Variants in EFTUD2 observed in about 807,000 individuals in gnomAD.
EFTUD2 encodes elongation factor Tu GTP binding domain containing 2.
In EFTUD2, 9 loss-of-function variants were observed where a neutral mutation model predicts 114.3. The ratio of observed to expected loss-of-function variants is 0.08; its 90% CI spans 0.05 to 0.14. EFTUD2 has a LOEUF of 0.14. Among genes scored for constraint, EFTUD2 ranks in the 10% least tolerant of loss-of-function variants. The pLI is 1.00. For missense variants in EFTUD2, 765 were observed against 1,241.2 expected (o/e 0.62, Z 5.76); for synonymous variants, 449 against 462.3 (o/e 0.97, Z 0.37).
intron 18 of EFTUD2, 159 bp from the exon 19 acceptor site, chr17:44,859,340 T>C (rs2050614476): frequency 1.6e-6 from 1 of 640,466 alleles, no homozygotes; most frequent in Non-Finnish European, 2.8e-6. Flanking sequence ...GAGGAGCATC[T>C]GCCTATGAGT....
chr17:44,866,178 T>C (rs902181489), intron 13 of EFTUD2, among the ~76,000 whole-genome samples: 4 of 152,220 alleles, frequency 2.6e-5, no homozygotes, highest in African/African-American at 9.6e-5. Flanking sequence ...TGACAAATGA[T>C]TTCAATCTGA....
intron 15 of EFTUD2, chr17:44,863,418 T>G: frequency 1.9e-5 from 8 of 427,300 alleles, no homozygotes; most frequent in Non-Finnish European, 2.9e-5. Context: ...ACCGCTCACA[T>G]TTTATTATGC....
At chr17:44,880,888 G>C (rs1181327827) in intron 7 of EFTUD2, among the ~76,000 whole-genome samples, 1 of 152,144 alleles carries the variant, frequency 6.6e-6, no homozygotes, top group African/African-American at 2.4e-5. Context: ...ACAGTATTAA[G>C]CCTTATCAGA....
chr17:44,860,549 G>C lies in EFTUD2; in HGVS notation c.1608-6C>G. 6.3e-7 allele frequency: 1 copy of C among 1,583,234 alleles called. No homozygotes were observed. The highest frequency in any genetic ancestry group is 8.7e-7 in the Non-Finnish European group (1 of 1,152,560). ...GGTTCACCTCGATGTGGTACCTGAA[G>C]CAATGTCCAATAAGCAGCAGTGAAA... is the stretch of plus-strand genomic sequence containing the variant. On this transcript the variant is annotated splice_polypyrimidine_tract_variant and splice_region_variant and intron_variant, in intron 16 of 27. Coordinates refer to ENST00000426333, the MANE Select transcript of EFTUD2 (RefSeq NM_004247.4).
intron 1 of EFTUD2, among the ~76,000 whole-genome samples, chr17:44,897,146 G>A (rs111470348): frequency 2.0e-5 from 3 of 151,166 alleles, no homozygotes; most frequent in African/African-American, 7.3e-5. Flanking sequence ...AACCCAGGAG[G>A]CGGAGCTTGC....
At position 44,886,745 on chromosome 17, in the gene EFTUD2, A is replaced by G; in HGVS notation, c.111T>C (p.Asp37=). 3 of 1,613,216 alleles carry G rather than the reference A, an allele frequency of 1.9e-6. No individual in the cohort carries two copies. Among genetic ancestry groups the G allele is most frequent in the Non-Finnish European group, 2.5e-6 (3 of 1,179,762 alleles). The change falls in exon 3 of 28, where the codon GAT becomes GAC. Residue 37 remains aspartate (D), a synonymous_variant. Transcript: ENST00000426333. ...CTACGTCATCGTCGTCGTCATCATC[A>G]TCCATCTGAAAGCAAGAGGGAGAGG... is the stretch of plus-strand genomic sequence containing the variant. The part of the protein sequence containing the change: ...GRETKDLDEM[D]DDDDDDDVGD...
chr17:44,863,874 A>C, intron 14 of EFTUD2, 92 bp from the exon 15 acceptor site: 938 of 1,516,548 alleles, frequency 6.2e-4, no homozygotes, highest in Non-Finnish European at 7.6e-4. Context: ...CAAAAAGCTC[A>C]AAGTGCGGGG....
chr17:44,863,088 C>A, intron 15 of EFTUD2, 182 bp from the exon 16 acceptor site: 2 of 461,512 alleles, frequency 4.3e-6, no homozygotes, highest in Non-Finnish European at 7.5e-6. Flanking sequence ...GGAGACATGG[C>A]AGAGCAAAAA....
intron 6 of EFTUD2, among the ~76,000 whole-genome samples, chr17:44,882,402 C>A (rs192326032): frequency 6.6e-6 from 1 of 152,000 alleles, no homozygotes; most frequent in African/African-American, 2.4e-5. Flanking sequence ...CAGGTGTGCA[C>A]CACCGTGCCC....
chr17:44,886,527 G>C (rs2051175960), intron 3 of EFTUD2, 58 bp downstream of exon 3: 1 of 1,597,690 alleles, frequency 6.3e-7, no homozygotes, highest in Non-Finnish European at 8.6e-7. Flanking sequence ...TTTGCTGAGA[G>C]CTATGAAGTT....
In EFTUD2 at chr17:44,894,404, A is replaced by G. The variant is rs755798484; in HGVS notation, c.105+13T>C. 3.2e-6 allele frequency: 5 copies of G among 1,565,324 alleles called. No homozygotes were observed. The highest frequency in any genetic ancestry group is 2.2e-5 in the East Asian group (1 of 44,654). ...AATAAGAGTGAGATAAAAGAGCAAT[A>G]TATTTGTTTTACCTCATCAAGATCT... On this transcript the variant is annotated intron_variant, in intron 2 of 27. Transcript: ENST00000426333.
At chr17:44,881,864 G>T (rs778425079) in intron 6 of EFTUD2, 142 bp from the exon 7 acceptor site, 80 of 725,356 alleles carry the variant, frequency 1.1e-4, no homozygotes, top group Non-Finnish European at 1.5e-4. Flanking sequence ...TGTCCCCACA[G>T]CAATTACAGA....
At chr17:44,895,864 T>C (rs112870700) in intron 1 of EFTUD2, 3 of 152,256 alleles carry the variant, frequency 2.0e-5, no homozygotes, top group African/African-American at 7.2e-5. Flanking sequence ...CATTTGGTTG[T>C]CATGTCTCTA....
At chr17:44,864,692 T>A (rs1366604617) in intron 14 of EFTUD2, among the ~76,000 whole-genome samples, 1 of 152,204 alleles carries the variant, frequency 6.6e-6, no homozygotes, top group African/African-American at 2.4e-5. Context: ...TCTCATTTAC[T>A]TGAACACTCC....
intron 15 of EFTUD2, chr17:44,863,397 A>C (rs1023631656): frequency 3.2e-5 from 12 of 379,912 alleles, no homozygotes; most frequent in Non-Finnish European, 5.7e-5. Context: ...TCTTATTTAA[A>C]TCTCATAACA....
rs1021039218 is a variant in EFTUD2, at chr17:44,854,843, G to C, written c.2132+75C>G. ...ATAAATGCTCCCCAGAAAGATGTGTGCTCTTAGAGACCCGGCAGTTAAACT... is the reference window on the plus strand; with the variant it reads ...ATAAATGCTCCCCAGAAAGATGTGTCCTCTTAGAGACCCGGCAGTTAAACT... On this transcript the variant is annotated intron_variant, in intron 21 of 27. Transcript: ENST00000426333. This position sits in a 1 kb window ranked among gnomAD's most constrained non-coding sequence, Gnocchi z 4.3. 6.4e-7 allele frequency: 1 copy of C among 1,567,338 alleles called. No homozygotes were observed. Among genetic ancestry groups the C allele is most frequent in the African/African-American group, 1.4e-5 (1 of 74,030 alleles).
chr17:44,874,763 G>T (rs1448095796), intron 10 of EFTUD2, among the ~76,000 whole-genome samples: 1 of 152,164 alleles, frequency 6.6e-6, no homozygotes, highest in Non-Finnish European at 1.5e-5. Context: ...TGAGAAGCAG[G>T]TATATCCACA....
At chr17:44,879,525 G>C in intron 9 of EFTUD2, 31 bp downstream of exon 9, 1 of 1,610,954 alleles carries the variant, frequency 6.2e-7, no homozygotes, top group East Asian at 2.2e-5. Flanking sequence ...ATAACAGGTG[G>C]ATGAGATTCT....
At chr17:44,863,976 T>C in intron 14 of EFTUD2, 194 bp from the exon 15 acceptor site, 1 of 640,418 alleles carries the variant, frequency 1.6e-6, no homozygotes, top group South Asian at 2.3e-5. Context: ...GTCACCCTGA[T>C]GCCAGAAAAG....
Sources: allele counts gnomAD v4.1 joint callset (sites outside exome capture counted in the v4.1 genomes callset), GRCh38; gene constraint gnomAD v4.1.1; non-coding constraint Gnocchi (gnomAD v3.1); transcripts MANE v1.5; gene names NCBI Gene and HGNC (gene_info 2026-07-23, HGNC 2026-07-21).